The following SUPT6H variants were observed in gnomAD, a reference collection of about 807,000 sequenced individuals.
SUPT6H encodes transcription elongation factor SPT6.
A neutral mutation model predicts 222.3 loss-of-function variants in SUPT6H; 11 were observed. The ratio of observed to expected loss-of-function variants is 0.05; its 90% CI spans 0.03 to 0.08. The LOEUF is 0.08. Ranked by LOEUF, SUPT6H falls within the 10% of genes least tolerant of loss-of-function variation. The pLI, the probability that SUPT6H is intolerant of heterozygous loss-of-function variation, is 1.00. For missense variants in SUPT6H, 1,422 were observed against 2,216.0 expected, an observed-to-expected ratio of 0.64 and a Z score of 7.19; for synonymous variants, 762 against 801.2, an observed-to-expected ratio of 0.95 and a Z score of 0.83.
At chr17:28,677,879 C>G in intron 8 of SUPT6H, 63 bp downstream of exon 8, 1 of 1,436,616 alleles carries the variant, frequency 7.0e-7, no homozygotes, top group Non-Finnish European at 9.8e-7. Flanking sequence ...AGATGGGGAG[C>G]TCTTCCTCCC....
chr17:28,687,256 G>A (rs1473871159), intron 22 of SUPT6H, 31 bp downstream of exon 22: 2 of 1,614,070 alleles, frequency 1.2e-6, no homozygotes, highest in South Asian at 1.1e-5. Context: ...AGGCTCGGGT[G>A]AAGGGAAAGG....
rs200607772 is a variant in SUPT6H at position 28,687,375 on chromosome 17, G to A, written c.2910G>A (p.Gly970=). The A allele has an allele frequency of 4.2e-5, 67 of 1,614,102 alleles. No individual in the cohort carries two copies. In the East Asian group the frequency reaches 1.2e-3, roughly 28 times the overall value. Residue 970 remains glycine (G), a synonymous_variant, in exon 23 of 37, where the codon GGG becomes GGA. Transcript: ENST00000314616. ...CEFINRVNEV[G]VDVNRAIAHP... ...TTATCAACCGAGTCAATGAGGTCGG[G>A]GTCGATGTCAACCGTGCCATTGCCC...
At chr17:28,669,619 C>G (rs1038383403) in intron 1 of SUPT6H, among the ~76,000 whole-genome samples, 2 of 152,012 alleles carry the variant, frequency 1.3e-5, no homozygotes, top group Non-Finnish European at 2.9e-5. Flanking sequence ...GCCTGGCTAA[C>G]ATGGTGAAAC....
intron 36 of SUPT6H, 141 bp from the exon 37 acceptor site, chr17:28,701,298 C>A: frequency 1.5e-6 from 2 of 1,371,466 alleles, no homozygotes; most frequent in Non-Finnish European, 2.0e-6. Flanking sequence ...AGTATGGCAG[C>A]CAGCTGCTGC....
intron 1 of SUPT6H, among the ~76,000 whole-genome samples, chr17:28,666,782 C>A (rs1567682776): frequency 2.0e-5 from 3 of 151,710 alleles, no homozygotes; most frequent in Non-Finnish European, 4.4e-5. Context: ...GAGCGTCTGA[C>A]CTGACCTGAA....
chr17:28,677,864 C>A, intron 8 of SUPT6H, 48 bp downstream of exon 8: 1 of 1,540,904 alleles, frequency 6.5e-7, no homozygotes, highest in Non-Finnish European at 9.0e-7. Context: ...AAAGACACTT[C>A]ATCAAGATGG....
chr17:28,677,615 G>A, intron 7 of SUPT6H, 100 bp from the exon 8 acceptor site: 1 of 806,992 alleles, frequency 1.2e-6, no homozygotes, highest in South Asian at 1.6e-5. Flanking sequence ...TACTGGAAAT[G>A]TGCACTTGAT....
intron 12 of SUPT6H, 126 bp from the exon 13 acceptor site, chr17:28,681,756 G>C: frequency 1.4e-6 from 1 of 721,704 alleles, no homozygotes; most frequent in Non-Finnish European, 2.2e-6. Flanking sequence ...CAGGAGACTT[G>C]ACAGCCCATG....
At chr17:28,686,225 C>T (rs1419410425) in intron 19 of SUPT6H, 114 bp from the exon 20 acceptor site, 3 of 941,056 alleles carry the variant, frequency 3.2e-6, no homozygotes, top group Admixed American at 2.3e-5. Context: ...CACCTTGGAC[C>T]AGATATCTTC....
chr17:28,668,048 T>C (rs1243497055), intron 1 of SUPT6H, among the ~76,000 whole-genome samples: 1 of 152,224 alleles, frequency 6.6e-6, no homozygotes, highest in Admixed American at 6.5e-5. Context: ...AGGGCCTCCC[T>C]TGTGGCAATC....
At chr17:28,684,378 T>G (rs747088958) in intron 17 of SUPT6H, among the ~76,000 whole-genome samples, 21 of 152,140 alleles carry the variant, frequency 1.4e-4, no homozygotes, top group Non-Finnish European at 2.8e-4. Context: ...ACATTCTTTG[T>G]TTATATCACT....
chr17:28,682,212 G>A, intron 13 of SUPT6H: 2 of 465,136 alleles, frequency 4.3e-6, no homozygotes, highest in Non-Finnish European at 7.8e-6. Flanking sequence ...ACTCATGATT[G>A]GAGGGAGAGA....
Position 28,678,606 on chromosome 17 carries a change from T to A in SUPT6H, c.1178T>A (p.Leu393Gln). 6.2e-7 allele frequency: 1 copy of A among 1,614,140 alleles called. No homozygotes were observed. The highest frequency in any genetic ancestry group is 1.1e-5 in the South Asian group (1 of 91,072). The change falls in exon 10 of 37, where the codon CTA becomes CAA. Residue 393 changes from leucine to glutamine, a missense_variant. Coordinates refer to ENST00000314616, the MANE Select transcript of SUPT6H (RefSeq NM_003170.5). ...GAGCCTGAGTTGCACATCAATGACC[T>A]ATGGAGAGTCTGGCAGTGGGATGAA... The part of the protein sequence containing the change: ...YVEPELHIND[L>Q]WRVWQWDEKW...
chr17:28,680,962 GAAAA>G (rs1020052743), intron 11 of SUPT6H, among the ~76,000 whole-genome samples: 2 of 152,050 alleles, frequency 1.3e-5, no homozygotes, highest in African/African-American at 4.8e-5. Flanking sequence ...CTTTAAAAAA[GAAAA>G]AAAGAAATGG....
chr17:28,683,857 A>G (rs570214570), intron 17 of SUPT6H, 41 bp downstream of exon 17: 40 of 1,499,902 alleles, frequency 2.7e-5, no homozygotes, highest in African/African-American at 2.2e-4. Flanking sequence ...TTTTTTGGTG[A>G]CAGAGTCTTG....
At position 28,688,063 on chromosome 17, in the gene SUPT6H, C is replaced by A; in HGVS notation, c.3007-28C>A. 1 of 1,585,736 alleles carries A rather than the reference C, an allele frequency of 6.3e-7. No homozygotes were observed. Among genetic ancestry groups the A allele is most frequent in the Non-Finnish European group, 8.6e-7 (1 of 1,163,752 alleles). The stretch of plus-strand genomic sequence containing the variant: ...TGGGGAGGTGGGGCCTGCTTACTGC[C>A]CTGGCTCAGTCCAGCTCTCTCCCCC... On this transcript the variant is annotated intron_variant, in intron 23 of 36. Coordinates refer to ENST00000314616, the MANE Select transcript of SUPT6H (RefSeq NM_003170.5). This position sits in a 1 kb window ranked among gnomAD's most constrained non-coding sequence, Gnocchi z 4.3.
chr17:28,681,735 GA>G, intron 12 of SUPT6H, 146 bp from the exon 13 acceptor site: 1 of 607,162 alleles, frequency 1.6e-6, no homozygotes. Context: ...AAAAAATCAA[GA>G]AAGAAAACCC....
chr17:28,678,254 A>T (rs2030877789), intron 9 of SUPT6H, 62 bp downstream of exon 9: 2 of 1,440,234 alleles, frequency 1.4e-6, no homozygotes, highest in Non-Finnish European at 1.9e-6. Flanking sequence ...GAGGGAAAAG[A>T]TAATTACCTA....
chr17:28,680,544 G>A (rs1387639009), intron 11 of SUPT6H, among the ~76,000 whole-genome samples: 5 of 152,044 alleles, frequency 3.3e-5, no homozygotes, highest in African/African-American at 7.2e-5. Context: ...GCAGTGAGCC[G>A]AAATCACGCC....
Sources: gnomAD v4.1 joint callset for allele counts (sites outside exome capture counted in the v4.1 genomes callset) on GRCh38, gnomAD v4.1.1 for gene constraint, Gnocchi (gnomAD v3.1) non-coding constraint, MANE v1.5 for transcripts, NCBI Gene and HGNC (gene_info 2026-07-23, HGNC 2026-07-21) for gene names.